The following BTBD8 variants were observed in gnomAD, a reference collection of about 807,000 sequenced individuals.
BTBD8 encodes BTB/POZ domain-containing protein 8.
In BTBD8, 110 loss-of-function variants were observed where a neutral mutation model predicts 162.9. The ratio of observed to expected loss-of-function variants is 0.68; its 90% confidence interval spans 0.58 to 0.79. The LOEUF is 0.79. Among genes scored for constraint, BTBD8 ranks in the 30% least tolerant of loss-of-function variants. The pLI is 0.00. For missense variants in BTBD8, 1,905 were observed against 2,085.4 expected, an observed-to-expected ratio of 0.91 and a Z score of 1.68; for synonymous variants, 667 against 716.1, an observed-to-expected ratio of 0.93 and a Z score of 1.10.
rs150646736 is a variant in BTBD8 at position 92,158,656 on chromosome 1, C to T, written c.1123-8302C>T. ...ATTAATTCAGTTGTAACAAATATACCACTCTAGTGTTGAATGTTGATAATG... is the reference window on the plus strand; with the variant it reads ...ATTAATTCAGTTGTAACAAATATACTACTCTAGTGTTGAATGTTGATAATG... On this transcript the variant is annotated intron_variant, in intron 9 of 17. Transcript: ENST00000636805. 3.8e-3 allele frequency among the ~76,000 whole-genome samples: 584 copies of T among 152,046 alleles called. 4 individuals carry two copies. Among genetic ancestry groups the T allele is most frequent in the African/African-American group, 0.013 (553 of 41,466 alleles).
chr1:92,094,635 G>A (rs1648400167), intron 2 of BTBD8, among the ~76,000 whole-genome samples: 2 of 152,210 alleles, frequency 1.3e-5, no homozygotes, highest in South Asian at 4.1e-4. Flanking sequence ...TTTATATGCA[G>A]TGACTTCAGA....
At chr1:92,108,032 G>C (rs548239298) in intron 4 of BTBD8, 31 bp downstream of exon 4, 2 of 1,579,530 alleles carry the variant, frequency 1.3e-6, no homozygotes, top group African/African-American at 1.3e-5. Flanking sequence ...TGCTGTCTTG[G>C]TTGTGGCTGT....
At chr1:92,174,626 G>GT (rs5776141) in intron 13 of BTBD8, among the ~76,000 whole-genome samples, 96,487 of 150,270 alleles carry the variant, frequency 0.64, 31,279 homozygotes, top group East Asian at 0.96. Context: ...ATAGAGAAAT[G>GT]TTTTTTTTTT....
chr1:92,166,836 G>A (rs1650398612), intron 9 of BTBD8, 122 bp from the exon 10 acceptor site: 2 of 902,250 alleles, frequency 2.2e-6, no homozygotes, highest in Admixed American at 5.9e-5. Context: ...AAAGACATTA[G>A]CTACCTGGAA....
intron 1 of BTBD8, among the ~76,000 whole-genome samples, chr1:92,085,009 A>G (rs568399044): frequency 1.3e-4 from 20 of 152,170 alleles, no homozygotes; most frequent in African/African-American, 4.6e-4. Context: ...TTAAAATCCC[A>G]TTGGGTTTTC....
chr1:92,153,671 A>T (rs1489145190), intron 9 of BTBD8, among the ~76,000 whole-genome samples: 1 of 152,218 alleles, frequency 6.6e-6, no homozygotes, highest in East Asian at 1.9e-4. Context: ...CCATGTGGTC[A>T]CATCTTACAG....
chr1:92,106,342 A>G (rs1240263904), intron 3 of BTBD8, among the ~76,000 whole-genome samples: 2 of 152,056 alleles, frequency 1.3e-5, no homozygotes, highest in African/African-American at 4.8e-5. Context: ...TATCATGACT[A>G]TCAGGAGGCT....
At chr1:92,098,003 A>C (rs1338895163) in intron 2 of BTBD8, among the ~76,000 whole-genome samples, 1 of 152,212 alleles carries the variant, frequency 6.6e-6, no homozygotes, top group Non-Finnish European at 1.5e-5. Flanking sequence ...CCAACAAGGG[A>C]CACTCATCAG....
At chr1:92,114,957 G>A in intron 4 of BTBD8, 1 of 288,110 alleles carries the variant, frequency 3.5e-6, no homozygotes. Flanking sequence ...TGTTAAAGTT[G>A]GAGGAGACAA....
At position 92,177,049 on chromosome 1, in the gene BTBD8, T is replaced by C. The variant is rs913508450; in HGVS notation, c.1856T>C (p.Ile619Thr). ...EKDGTKIASK[I>T]TKELKTGGKN... ...GATGGTACAAAAATAGCATCTAAGATTACAAAAGAACTAAAAACTGGGGGA... is the reference window on the plus strand; with the variant it reads ...GATGGTACAAAAATAGCATCTAAGACTACAAAAGAACTAAAAACTGGGGGA... Residue 619 changes from isoleucine (I) to threonine (T), a missense_variant, in exon 14 of 18, where the codon ATT becomes ACT. Ile to Thr is a moderately conservative substitution (Grantham distance 89, BLOSUM62 -1). Transcript: ENST00000636805. 1.7e-5 allele frequency: 27 copies of C among 1,550,606 alleles called. No individual in the cohort carries two copies. Among genetic ancestry groups the C allele is most frequent in the South Asian group, 1.2e-5 (1 of 83,974 alleles).
intron 3 of BTBD8, among the ~76,000 whole-genome samples, chr1:92,105,445 GT>G (rs1648701829): frequency 6.6e-6 from 1 of 151,616 alleles, no homozygotes; most frequent in Non-Finnish European, 1.5e-5. Context: ...TAGAGATGAG[GT>G]TTCCCTGCGT....
At chr1:92,093,659 T>C (rs948887461) in intron 2 of BTBD8, among the ~76,000 whole-genome samples, 6 of 152,180 alleles carry the variant, frequency 3.9e-5, no homozygotes, top group Admixed American at 2.0e-4. Flanking sequence ...ATAATTCTTA[T>C]AGTGGTGTTG....
intron 9 of BTBD8, 26 bp from the exon 10 acceptor site, chr1:92,166,932 C>T: frequency 6.6e-7 from 1 of 1,524,372 alleles, no homozygotes. Context: ...TAGCATCTAA[C>T]TTTCCAATTT....
At chr1:92,155,285 A>G (rs1411841903) in intron 9 of BTBD8, among the ~76,000 whole-genome samples, 2 of 152,318 alleles carry the variant, frequency 1.3e-5, no homozygotes, top group Non-Finnish European at 2.9e-5. Context: ...TTCTATTTCT[A>G]TAAAAAATGC....
chr1:92,154,197 G>T (rs1226983061), intron 9 of BTBD8, among the ~76,000 whole-genome samples: 1 of 152,116 alleles, frequency 6.6e-6, no homozygotes, highest in African/African-American at 2.4e-5. Context: ...TGCCATGCTT[G>T]TACAGCCTGC....
chr1:92,173,439 C>T (rs481384), intron 13 of BTBD8, among the ~76,000 whole-genome samples: 4,639 of 152,162 alleles, frequency 0.03, 93 homozygotes, highest in Non-Finnish European at 0.037. Flanking sequence ...TTTCTGTGTT[C>T]CCTGTTATCC....
intron 1 of BTBD8, among the ~76,000 whole-genome samples, chr1:92,081,309 A>G (rs1464179922): frequency 2.6e-5 from 4 of 152,222 alleles, no homozygotes; most frequent in Non-Finnish European, 5.9e-5. Context: ...CCTGACATTT[A>G]ACCTTTGTAA....
At chr1:92,121,350 T>C (rs1207383034) in intron 4 of BTBD8, among the ~76,000 whole-genome samples, 1 of 152,240 alleles carries the variant, frequency 6.6e-6, no homozygotes, top group Non-Finnish European at 1.5e-5. Flanking sequence ...TTTTACTTTT[T>C]TGTAATGTCC....
intron 9 of BTBD8, among the ~76,000 whole-genome samples, chr1:92,152,413 A>G (rs1224328013): frequency 1.3e-5 from 2 of 152,226 alleles, no homozygotes; most frequent in Non-Finnish European, 2.9e-5. Context: ...TCAGGTGTAT[A>G]CATAGAATCA....
Sources: allele counts gnomAD v4.1 joint callset (sites outside exome capture counted in the v4.1 genomes callset), GRCh38; gene constraint gnomAD v4.1.1; transcripts MANE v1.5; gene names NCBI Gene and HGNC (gene_info 2026-07-23, HGNC 2026-07-21).